PAPPA2: variants seen among roughly 807,000 people sequenced by gnomAD.
PAPPA2 encodes pappalysin-2.
In PAPPA2, 86 loss-of-function variants were observed where a neutral mutation model predicts 176.4. That is an observed-to-expected ratio of 0.49 (90% CI 0.41 to 0.58). The LOEUF is 0.58. Ranked by LOEUF, PAPPA2 falls within the 20% of genes least tolerant of loss-of-function variation. The pLI is 0.00. For synonymous variants in PAPPA2, 809 were observed against 852.2 expected, an observed-to-expected ratio of 0.95 and a Z score of 0.88; for missense variants, 2,073 against 2,256.9, an observed-to-expected ratio of 0.92 and a Z score of 1.65.
intron 1 of PAPPA2, among the ~76,000 whole-genome samples, chr1:176,548,477 C>A (rs1650759630): frequency 6.6e-6 from 1 of 152,094 alleles, no homozygotes; most frequent in Non-Finnish European, 1.5e-5. Flanking sequence ...CAAGAAAGAT[C>A]TTTCCATTAC....
At chr1:176,662,447 C>T (rs1017565790) in intron 3 of PAPPA2, among the ~76,000 whole-genome samples, 4 of 152,046 alleles carry the variant, frequency 2.6e-5, no homozygotes, top group African/African-American at 9.7e-5. Context: ...TCTAAGAGTT[C>T]AGGTTGTTTT....
At chr1:176,814,170 G>A (rs181609920) in intron 21 of PAPPA2, among the ~76,000 whole-genome samples, 55 of 152,314 alleles carry the variant, frequency 3.6e-4, no homozygotes, top group African/African-American at 1.3e-3. Context: ...GTACCATGCT[G>A]TTTTGGTTAC....
chr1:176,768,931 T>C (rs1161624539), intron 15 of PAPPA2, among the ~76,000 whole-genome samples: 1 of 152,162 alleles, frequency 6.6e-6, no homozygotes, highest in African/African-American at 2.4e-5. Context: ...AGGAGACAGA[T>C]GACATACTCA....
chr1:176,480,403 G>C (rs777717064), intron 1 of PAPPA2, among the ~76,000 whole-genome samples: 39 of 152,196 alleles, frequency 2.6e-4, no homozygotes, highest in South Asian at 8.3e-4. Context: ...CTGAGGGACA[G>C]GTACCCACAT....
chr1:176,590,265 A>G (rs1653579290), intron 2 of PAPPA2, among the ~76,000 whole-genome samples: 1 of 152,226 alleles, frequency 6.6e-6, no homozygotes, highest in African/African-American at 2.4e-5. Flanking sequence ...ACAGTAATGG[A>G]ATCGACTCAA....
intron 21 of PAPPA2, among the ~76,000 whole-genome samples, chr1:176,812,840 G>C (rs977545758): frequency 6.6e-6 from 1 of 151,684 alleles, no homozygotes; most frequent in African/African-American, 2.4e-5. Flanking sequence ...TTGTTACATA[G>C]GTGAACATGT....
At chr1:176,698,879 A>G (rs1197734275) in intron 7 of PAPPA2, among the ~76,000 whole-genome samples, 2 of 152,162 alleles carry the variant, frequency 1.3e-5, no homozygotes, top group Non-Finnish European at 2.9e-5. Flanking sequence ...TCCTCTTGCT[A>G]AGGGCACCAT....
intron 14 of PAPPA2, among the ~76,000 whole-genome samples, chr1:176,758,757 TA>T (rs573441619): frequency 6.6e-6 from 1 of 152,116 alleles, no homozygotes; most frequent in Non-Finnish European, 1.5e-5. Flanking sequence ...GACATTACGC[TA>T]AAAAAATATA....
intron 1 of PAPPA2, among the ~76,000 whole-genome samples, chr1:176,492,390 A>T (rs1464682060): frequency 6.6e-6 from 1 of 152,222 alleles, no homozygotes; most frequent in Admixed American, 6.5e-5. Context: ...TGTTGATGAT[A>T]TTCTGAGACT....
At chr1:176,788,775 G>A (rs1665049836) in intron 17 of PAPPA2, among the ~76,000 whole-genome samples, 1 of 152,176 alleles carries the variant, frequency 6.6e-6, no homozygotes, top group African/African-American at 2.4e-5. Flanking sequence ...AGAAGCTGGT[G>A]AAAGTTATGA....
intron 12 of PAPPA2, among the ~76,000 whole-genome samples, chr1:176,737,761 G>A (rs948902897): frequency 6.6e-6 from 1 of 152,122 alleles, no homozygotes; most frequent in African/African-American, 2.4e-5. Context: ...GAGGCATATT[G>A]CTAGGAGATG....
chr1:176,472,654 A>G (rs766029008), intron 1 of PAPPA2, among the ~76,000 whole-genome samples: 1 of 152,180 alleles, frequency 6.6e-6, no homozygotes, highest in African/African-American at 2.4e-5. Flanking sequence ...TACAAAATAT[A>G]TATTTTTAGA....
At chr1:176,642,336 C>T (rs74127216) in intron 3 of PAPPA2, among the ~76,000 whole-genome samples, 5 of 151,608 alleles carry the variant, frequency 3.3e-5, no homozygotes, top group Non-Finnish European at 5.9e-5. Context: ...TTTCTGTATT[C>T]TAAGTTATTT....
rs571459660 is a variant in PAPPA2, at chr1:176,844,098, C to G, written c.*1644C>G. 41 of 152,052 alleles carry G rather than the reference C, an allele frequency of 2.7e-4. No homozygotes were observed. Among genetic ancestry groups the G allele is most frequent in the African/African-American group, 8.7e-4 (36 of 41,490 alleles). The allele number at this position is 152,052 out of a possible 1,614,324, so 9.4% of individuals were successfully genotyped here. A position where few individuals can be genotyped will look rare whatever the true frequency, so the allele number is the denominator to read the frequency against. ...TCTTGTAACGGTTTCTGGATTAGACCCTAGGGAAAGTGAGTAAGGAGCCAG... is the reference window on the plus strand; with the variant it reads ...TCTTGTAACGGTTTCTGGATTAGACGCTAGGGAAAGTGAGTAAGGAGCCAG... On this transcript the variant is annotated 3_prime_UTR_variant, in exon 23 of 23. Coordinates refer to ENST00000367662, the MANE Select transcript of PAPPA2 (RefSeq NM_020318.3).
chr1:176,496,186 C>T (rs1395604368), intron 1 of PAPPA2, among the ~76,000 whole-genome samples: 3 of 152,128 alleles, frequency 2.0e-5, no homozygotes. Flanking sequence ...TGGTGTGCTG[C>T]ACCCATTAAC....
intron 1 of PAPPA2, among the ~76,000 whole-genome samples, chr1:176,535,073 G>A (rs1035248310): frequency 6.6e-6 from 1 of 152,200 alleles, no homozygotes; most frequent in East Asian, 1.9e-4. Context: ...AGAGTGCCAA[G>A]GAATGAATCA....
chr1:176,696,453 A>C (rs1400378623), intron 7 of PAPPA2, among the ~76,000 whole-genome samples: 1 of 152,074 alleles, frequency 6.6e-6, no homozygotes, highest in African/African-American at 2.4e-5. Context: ...TGTGCTTTGG[A>C]TATGATCTGA....
intron 3 of PAPPA2, among the ~76,000 whole-genome samples, chr1:176,663,027 G>T (rs1253278263): frequency 1.3e-5 from 2 of 152,136 alleles, no homozygotes; most frequent in Non-Finnish European, 2.9e-5. Flanking sequence ...TATTGAAGGT[G>T]CTGTTGCTAT....
rs186774617 is a variant in PAPPA2 at position 176,722,386 on chromosome 1, A to G, written c.3798+10405A>G. Among the ~76,000 whole-genome samples, 543 of 148,332 alleles carry G rather than the reference A, an allele frequency of 3.7e-3. 1 individual carries two copies. The highest frequency in any genetic ancestry group is 0.013 in the African/African-American group (515 of 40,518). Reference sequence around the variant, plus strand: ...CACTTTAATTCAATAAGTAATTAAGATAGCTTGTGCTTTGTGAGCCTTTAT... The same window carrying G: ...CACTTTAATTCAATAAGTAATTAAGGTAGCTTGTGCTTTGTGAGCCTTTAT... On this transcript the variant is annotated intron_variant, in intron 12 of 22. Transcript: ENST00000367662.
Sources: gnomAD v4.1 joint callset for allele counts (sites outside exome capture counted in the v4.1 genomes callset) on GRCh38, gnomAD v4.1.1 for gene constraint, MANE v1.5 for transcripts, NCBI Gene and HGNC (gene_info 2026-07-23, HGNC 2026-07-21) for gene names.